Variants in EXTL3 observed in about 807,000 individuals in gnomAD.
The protein encoded by EXTL3 is exostosin-like 3.
A neutral mutation model predicts 69.3 loss-of-function variants in EXTL3; 27 were observed. The observed-to-expected ratio is 0.39, with a 90% CI of 0.29 to 0.54. The LOEUF is 0.54. Ranked by LOEUF, EXTL3 falls within the 20% of genes least tolerant of loss-of-function variation. The pLI, the probability that EXTL3 is intolerant of heterozygous loss-of-function variation, is 0.69. For synonymous variants in EXTL3, 511 were observed against 499.4 expected (o/e 1.02, Z -0.31); for missense variants, 1,003 against 1,231.8 (o/e 0.81, Z 2.78).
chr8:28,644,670 G>C (rs1045073867), intron 1 of EXTL3, among the ~76,000 whole-genome samples: 8 of 152,126 alleles, frequency 5.3e-5, no homozygotes, highest in African/African-American at 1.7e-4. Flanking sequence ...GCAAGACCCT[G>C]TCTCTAAAAA....
chr8:28,667,223 G>T (rs1807210902), intron 1 of EXTL3, among the ~76,000 whole-genome samples: 1 of 152,210 alleles, frequency 6.6e-6, no homozygotes, highest in African/African-American at 2.4e-5. Flanking sequence ...AACAGTGGCA[G>T]CTGGGGATTT....
intron 3 of EXTL3, among the ~76,000 whole-genome samples, chr8:28,728,498 G>A (rs1389633633): frequency 6.6e-6 from 1 of 152,192 alleles, no homozygotes; most frequent in Non-Finnish European, 1.5e-5. Context: ...GCTTGGCTTG[G>A]ACATCTGTTA....
At chr8:28,692,831 G>A (rs1800633992) in intron 1 of EXTL3, among the ~76,000 whole-genome samples, 1 of 152,170 alleles carries the variant, frequency 6.6e-6, no homozygotes, top group Non-Finnish European at 1.5e-5. Flanking sequence ...TCATTGAGCT[G>A]TATATAAATG....
intron 1 of EXTL3, among the ~76,000 whole-genome samples, chr8:28,664,792 C>T (rs1475372996): frequency 6.6e-6 from 1 of 152,146 alleles, no homozygotes; most frequent in Non-Finnish European, 1.5e-5. Flanking sequence ...GCCCAGCGTT[C>T]TGAAATTTCA....
intron 1 of EXTL3, among the ~76,000 whole-genome samples, chr8:28,646,041 T>G (rs778512805): frequency 2.6e-5 from 4 of 151,868 alleles, no homozygotes; most frequent in Non-Finnish European, 4.4e-5. Context: ...TTTTGTATAT[T>G]TGGTAGGGAT....
intron 1 of EXTL3, among the ~76,000 whole-genome samples, chr8:28,649,705 G>A (rs73564743): frequency 0.026 from 3,902 of 152,192 alleles, 134 homozygotes; most frequent in African/African-American, 0.08. Context: ...ATTTCAGTGT[G>A]TAGATAAGTT....
chr8:28,668,867 T>TTATTTTTTTTTTTA (rs1807241323), intron 1 of EXTL3, among the ~76,000 whole-genome samples: 3 of 125,880 alleles, frequency 2.4e-5, no homozygotes, highest in African/African-American at 1.0e-4. Context: ...TAGAATCTCT[T>TTATTTTTTTTTTTA]TTTTTTTTTT....
intron 4 of EXTL3, among the ~76,000 whole-genome samples, chr8:28,736,378 A>G (rs1276997662): frequency 6.6e-6 from 1 of 152,358 alleles, no homozygotes; most frequent in African/African-American, 2.4e-5. Context: ...AATCTCTGGC[A>G]GCCTTTCTGC....
At position 28,754,265 on chromosome 8, in the gene EXTL3, A is replaced by G. The variant is rs1802072395; in HGVS notation, c.*3399A>G. ...AGATCTTGTGCTTGGCTGTGGGATC[A>G]GAGGCTTCCTCAGGAGAGGGCACTG... On this transcript the variant is annotated 3_prime_UTR_variant, in exon 7 of 7. Transcript: ENST00000220562. 6.6e-6 allele frequency: 1 copy of G among 152,402 alleles called. No homozygotes were observed. The highest frequency in any genetic ancestry group is 2.4e-5 in the African/African-American group (1 of 41,456). 9.4% of individuals were successfully genotyped at this position (152,402 alleles called of 1,614,324 possible).
At chr8:28,635,561 A>AT (rs34022479) in intron 1 of EXTL3, among the ~76,000 whole-genome samples, 16 of 150,444 alleles carry the variant, frequency 1.1e-4, no homozygotes, top group Middle Eastern at 3.4e-3. Flanking sequence ...AAAAAAAAAA[A>AT]TTAGCCAGGC....
chr8:28,662,343 T>C (rs899032239), intron 1 of EXTL3, among the ~76,000 whole-genome samples: 54 of 152,226 alleles, frequency 3.5e-4, no homozygotes, highest in African/African-American at 1.3e-3. Flanking sequence ...TAGACCTATA[T>C]TGATATTTTT....
intron 1 of EXTL3, among the ~76,000 whole-genome samples, chr8:28,664,541 A>G (rs1425077068): frequency 6.6e-6 from 1 of 152,116 alleles, no homozygotes; most frequent in Non-Finnish European, 1.5e-5. Context: ...TTCACGTGGA[A>G]TGAGTGGTGG....
intron 1 of EXTL3, among the ~76,000 whole-genome samples, chr8:28,680,569 T>TTG (rs144099744): frequency 0.027 from 4,062 of 151,768 alleles, 189 homozygotes; most frequent in African/African-American, 0.092. Context: ...ACATACTTAT[T>TTG]TGTGTGTGTG....
chr8:28,647,913 G>GGGGGGCACTAGATGGGTTGGGGGT (rs1436828870), intron 1 of EXTL3, among the ~76,000 whole-genome samples: 1 of 148,652 alleles, frequency 6.7e-6, no homozygotes, highest in Non-Finnish European at 1.5e-5. Flanking sequence ...GTGCAGCCTT[G>GGGGGGCACTAGATGGGTTGGGGGT]GGGGGCACTA....
chr8:28,611,817 G>T (rs1260815604), intron 2 of EXTL3, among the ~76,000 whole-genome samples: 1 of 152,138 alleles, frequency 6.6e-6, no homozygotes, highest in Non-Finnish European at 1.5e-5. Flanking sequence ...AGCCTGCTGG[G>T]GAATGTCAAA....
Position 28,632,292 on chromosome 8 carries a change from G to A in EXTL3, c.-53+9482G>A, listed in dbSNP as rs186447750. On this transcript the variant is annotated intron_variant, in intron 1 of 6. Coordinates refer to the EXTL3 transcript ENST00000523149. Reference sequence around the variant, plus strand: ...CACCTGTAATCCCAGCTACTTGGAAGGCTGAGGCAGGAGAATCGCTTAAAC... The same window carrying A: ...CACCTGTAATCCCAGCTACTTGGAAAGCTGAGGCAGGAGAATCGCTTAAAC... Among the ~76,000 whole-genome samples, 254 of 152,126 alleles carry A rather than the reference G, an allele frequency of 1.7e-3. 1 individual carries two copies. The highest frequency in any genetic ancestry group is 5.8e-3 in the African/African-American group (242 of 41,532).
rs969923838 is a variant in EXTL3 at position 28,733,710 on chromosome 8, A to G, written c.2276+2360A>G. On this transcript the variant is annotated intron_variant, in intron 4 of 6. Coordinates refer to ENST00000220562, the MANE Select transcript of EXTL3 (RefSeq NM_001440.4). ...ACAGTTGTGATTTGCATTTCTCTCAATGATGTTGAGCTTCTTTTCATGCGC... is the reference window on the plus strand; with the variant it reads ...ACAGTTGTGATTTGCATTTCTCTCAGTGATGTTGAGCTTCTTTTCATGCGC... Among the ~76,000 whole-genome samples, 4 of 151,198 alleles carry G rather than the reference A, an allele frequency of 2.6e-5. 1 individual carries two copies. Among genetic ancestry groups the G allele is most frequent in the Admixed American group, 6.6e-5 (1 of 15,192 alleles).
chr8:28,634,597 C>CT (rs1310592146), intron 1 of EXTL3, among the ~76,000 whole-genome samples: 15,665 of 136,100 alleles, frequency 0.12, 2,647 homozygotes, highest in African/African-American at 0.37. Context: ...ACCACATCTG[C>CT]TTTTTTTTTT....
chr8:28,629,819 A>G (rs976079971), intron 1 of EXTL3, among the ~76,000 whole-genome samples: 2 of 152,172 alleles, frequency 1.3e-5, no homozygotes, highest in African/African-American at 2.4e-5. Flanking sequence ...TAATGCCTGC[A>G]TGGAGGTTCC....
Sources: allele counts gnomAD v4.1 joint callset (sites outside exome capture counted in the v4.1 genomes callset), GRCh38; gene constraint gnomAD v4.1.1; transcripts MANE v1.5; gene names NCBI Gene and HGNC (gene_info 2026-07-23, HGNC 2026-07-21).